MSRA: variants seen among roughly 807,000 people sequenced by gnomAD.
MSRA encodes the protein methionine sulfoxide reductase A.
A neutral mutation model predicts 31.3 loss-of-function variants in MSRA; 54 were observed. The observed-to-expected ratio is 1.73, with a 90% CI of 1.39 to 2.17. MSRA has a LOEUF of 2.17. Among genes scored for constraint, MSRA ranks in the 30% most tolerant of loss-of-function variants. The probability of loss-of-function intolerance (pLI) is 0.00; values close to 1 mark genes in which losing one functional copy is unlikely to be tolerated. For missense variants in MSRA, 507 were observed against 300.9 expected (o/e 1.69, Z -5.07); for synonymous variants, 169 against 116.5 (o/e 1.45, Z -2.90).
At chr8:10,317,621 T>C (rs1279348187) in intron 4 of MSRA, among the ~76,000 whole-genome samples, 1 of 152,212 alleles carries the variant, frequency 6.6e-6, no homozygotes, top group African/African-American at 2.4e-5. Context: ...TAGAGTACTA[T>C]GGAAGCATTT....
At chr8:10,299,566 T>C (rs902211710) in intron 3 of MSRA, among the ~76,000 whole-genome samples, 1 of 152,030 alleles carries the variant, frequency 6.6e-6, no homozygotes, top group African/African-American at 2.4e-5. Flanking sequence ...TAATAAAATA[T>C]TAATATAATA....
intron 2 of MSRA, among the ~76,000 whole-genome samples, chr8:10,236,582 T>C (rs1811962660): frequency 6.6e-6 from 1 of 152,238 alleles, no homozygotes; most frequent in Admixed American, 6.5e-5. Context: ...TCTCACTCGC[T>C]CACTCAAGCT....
intron 3 of MSRA, among the ~76,000 whole-genome samples, chr8:10,283,864 C>CACACACACACACACACAT (rs1799789414): frequency 7.2e-6 from 1 of 139,800 alleles, no homozygotes; most frequent in African/African-American, 2.6e-5. Flanking sequence ...CACACACACA[C>CACACACACACACACACAT]ACACATATAT....
chr8:10,322,618 C>A (rs571626264), intron 5 of MSRA, among the ~76,000 whole-genome samples: 1 of 152,274 alleles, frequency 6.6e-6, no homozygotes. Context: ...TGGGCTGTTT[C>A]TGCCTTGCAG....
At chr8:10,359,552 C>A (rs1359281349) in intron 5 of MSRA, among the ~76,000 whole-genome samples, 1 of 152,186 alleles carries the variant, frequency 6.6e-6, no homozygotes, top group African/African-American at 2.4e-5. Context: ...TCTCCACCTC[C>A]TCCTCTTCCT....
intron 1 of MSRA, among the ~76,000 whole-genome samples, chr8:10,200,721 C>G (rs1011490478): frequency 2.0e-5 from 3 of 152,146 alleles, no homozygotes; most frequent in African/African-American, 7.2e-5. Context: ...AAAACCCACT[C>G]TTGGTTAACT....
At chr8:10,336,011 C>A (rs557442460) in intron 5 of MSRA, among the ~76,000 whole-genome samples, 7 of 152,080 alleles carry the variant, frequency 4.6e-5, no homozygotes, top group Non-Finnish European at 1.0e-4. Context: ...AGGTAGATTC[C>A]CTCTGGACAT....
intron 5 of MSRA, among the ~76,000 whole-genome samples, chr8:10,333,991 C>G (rs983927019): frequency 6.6e-6 from 1 of 152,166 alleles, no homozygotes; most frequent in African/African-American, 2.4e-5. Context: ...CAGATTAGGA[C>G]AGGGCCTATA....
intron 4 of MSRA, among the ~76,000 whole-genome samples, chr8:10,313,640 T>C (rs1223552994): frequency 6.6e-6 from 1 of 152,194 alleles, no homozygotes; most frequent in Non-Finnish European, 1.5e-5. Flanking sequence ...AACAGTTTTG[T>C]TGTTGTTGTC....
intron 3 of MSRA, among the ~76,000 whole-genome samples, chr8:10,274,018 A>C (rs1453692630): frequency 1.3e-5 from 2 of 152,168 alleles, no homozygotes; most frequent in African/African-American, 4.8e-5. Flanking sequence ...TCTGGGAACC[A>C]GGAAGGGAGA....
At chr8:10,396,496 A>C in intron 5 of MSRA, among the ~76,000 whole-genome samples, 1 of 152,256 alleles carries the variant, frequency 6.6e-6, no homozygotes, top group Middle Eastern at 3.2e-3. Flanking sequence ...AAGATTCTGC[A>C]CTGAGAACTT....
At position 10,138,122 on chromosome 8, in the gene MSRA, T is replaced by G. The variant is rs148048798; in HGVS notation, c.143-69711T>G. ...GGAGCTGGTCAGACTCTTTCTGGAT[T>G]GTTTTGTTCAGTGATGGGTGGTAAA... On this transcript the variant is annotated intron_variant, in intron 1 of 5. Coordinates refer to ENST00000317173, the MANE Select transcript of MSRA (RefSeq NM_012331.5). Among the ~76,000 whole-genome samples, 278 of 152,304 alleles carry G rather than the reference T, an allele frequency of 1.8e-3. 1 individual carries two copies. The highest frequency in any genetic ancestry group is 6.6e-3 in the African/African-American group (274 of 41,558).
chr8:10,243,777 G>A (rs182499277), intron 2 of MSRA, among the ~76,000 whole-genome samples: 1 of 152,088 alleles, frequency 6.6e-6, no homozygotes, highest in Non-Finnish European at 1.5e-5. Flanking sequence ...TAATAAAAGT[G>A]CATGTAATTG....
chr8:10,235,762 G>A (rs573169891), intron 2 of MSRA, among the ~76,000 whole-genome samples: 6 of 152,070 alleles, frequency 3.9e-5, no homozygotes, highest in East Asian at 1.9e-4. Context: ...TTTCTAATGC[G>A]GTGTTACATA....
intron 1 of MSRA, chr8:10,095,838 C>A: frequency 8.0e-7 from 1 of 1,255,748 alleles, no homozygotes; most frequent in South Asian, 3.7e-5. Context: ...AACGAAGCTT[C>A]CATAGTGTCC....
In MSRA at chr8:10,066,201, G is replaced by C. The variant is rs536530494; in HGVS notation, c.142+11543G>C. On this transcript the variant is annotated intron_variant, in intron 1 of 5. Coordinates refer to ENST00000317173, the MANE Select transcript of MSRA (RefSeq NM_012331.5). ...AGGGTTTCCCCATGTTGGCCAGGCT[G>C]GTCTTGAACTCCTGACCTCAGGAGA... 1.2e-3 allele frequency among the ~76,000 whole-genome samples: 186 copies of C among 152,082 alleles called. 1 individual carries two copies. The highest frequency in any genetic ancestry group is 4.4e-3 in the African/African-American group (182 of 41,506).
At chr8:10,426,285 C>G (rs752870980) in intron 5 of MSRA, among the ~76,000 whole-genome samples, 10 of 152,140 alleles carry the variant, frequency 6.6e-5, no homozygotes, top group Non-Finnish European at 1.5e-4. Flanking sequence ...ACTTCCATTC[C>G]GTCAAGCTGG....
At chr8:10,417,772 G>GTGTGTGTGTGTGTGTGTGTGTGTGTGTC (rs1808567435) in intron 5 of MSRA, among the ~76,000 whole-genome samples, 3 of 151,028 alleles carry the variant, frequency 2.0e-5, no homozygotes, top group Non-Finnish European at 3.0e-5. Context: ...GTGTGTGTGT[G>GTGTGTGTGTGTGTGTGTGTGTGTGTGTC]TGTGTGTCTG....
chr8:10,309,735 T>G (rs747248586), intron 4 of MSRA, among the ~76,000 whole-genome samples: 1 of 152,182 alleles, frequency 6.6e-6, no homozygotes, highest in Non-Finnish European at 1.5e-5. Context: ...TGCTTGGAAC[T>G]AGAGAGCCTG....
Sources: gnomAD v4.1 joint callset for allele counts (sites outside exome capture counted in the v4.1 genomes callset) on GRCh38, gnomAD v4.1.1 for gene constraint, MANE v1.5 for transcripts, NCBI Gene and HGNC (gene_info 2026-07-23, HGNC 2026-07-21) for gene names.